The following CNTN4 variants were observed in gnomAD, a reference collection of about 807,000 sequenced individuals.
CNTN4 encodes contactin 4.
Under a neutral mutation model 122.5 loss-of-function variants are expected in CNTN4, and 77 were observed. The observed-to-expected ratio is 0.63, with a 90% CI of 0.52 to 0.76. CNTN4 has a LOEUF of 0.76. CNTN4 is among the 30% of genes least tolerant of loss of function. The pLI is 0.00. For synonymous variants in CNTN4, 512 were observed against 447.0 expected (o/e 1.15, Z -1.83); for missense variants, 1,256 against 1,259.1 (o/e 1.00, Z 0.04).
intron 2 of CNTN4, among the ~76,000 whole-genome samples, chr3:2,207,977 C>T (rs759132729): frequency 1.3e-5 from 2 of 152,106 alleles, no homozygotes; most frequent in African/African-American, 2.4e-5. Context: ...CCACAATGCA[C>T]TTGGTCACCT....
At position 2,933,043 on chromosome 3, in the gene CNTN4, C is replaced by T. The variant is rs533895700; in HGVS notation, c.1358+7264C>T. Among the ~76,000 whole-genome samples the T allele has an allele frequency of 5.9e-5, 9 of 152,092 alleles. No homozygotes were observed. In the South Asian group the frequency reaches 6.2e-4, roughly 11 times the overall value. ...TTCACCGTGTTAGCCAGGATGGTCT[C>T]GATCTCCTGACCTCGTGATCCGCCC... On this transcript the variant is annotated intron_variant, in intron 13 of 24. Coordinates refer to ENST00000418658, the MANE Select transcript of CNTN4 (RefSeq NM_175607.3).
At chr3:2,307,655 T>C (rs2042765756) in intron 2 of CNTN4, among the ~76,000 whole-genome samples, 1 of 152,138 alleles carries the variant, frequency 6.6e-6, no homozygotes, top group Non-Finnish European at 1.5e-5. Flanking sequence ...TAAATACTTT[T>C]TATGCATGTA....
At chr3:2,745,495 T>G in intron 5 of CNTN4, 27 bp from the exon 6 acceptor site, 1 of 1,578,030 alleles carries the variant, frequency 6.3e-7, no homozygotes, top group Non-Finnish European at 8.7e-7. Context: ...TGACAAGACT[T>G]TATCTACTGG....
At chr3:2,719,337 C>G (rs1008538377) in intron 4 of CNTN4, among the ~76,000 whole-genome samples, 2 of 151,572 alleles carry the variant, frequency 1.3e-5, no homozygotes. Context: ...ACTCTGTCGC[C>G]CAGGCTGGAA....
At position 2,285,170 on chromosome 3, in the gene CNTN4, G is replaced by A. The variant is rs17011787; in HGVS notation, c.-144-54008G>A. 8.1e-3 allele frequency among the ~76,000 whole-genome samples: 1,226 copies of A among 152,108 alleles called. 17 individuals carry two copies. Among genetic ancestry groups the A allele is most frequent in the African/African-American group, 0.028 (1,161 of 41,538 alleles). On this transcript the variant is annotated intron_variant, in intron 2 of 24. Transcript: ENST00000418658. ...AACTATTGTCAAACATGTAGAGATT[G>A]GAGTTCCTAACTGTTGCAGGAAGAT... is the stretch of plus-strand genomic sequence containing the variant.
chr3:2,970,949 A>G (rs1577450799), intron 13 of CNTN4, among the ~76,000 whole-genome samples: 1 of 151,706 alleles, frequency 6.6e-6, no homozygotes, highest in South Asian at 2.1e-4. Context: ...CACCATGCCC[A>G]GTTAATTTTG....
chr3:2,391,034 A>T (rs1363875545), intron 3 of CNTN4, among the ~76,000 whole-genome samples: 3 of 152,214 alleles, frequency 2.0e-5, no homozygotes, highest in African/African-American at 7.2e-5. Flanking sequence ...TTCCTTGCAG[A>T]TTCCAAATAG....
chr3:2,368,038 T>TC (rs1219718279), intron 3 of CNTN4, among the ~76,000 whole-genome samples: 1 of 147,444 alleles, frequency 6.8e-6, no homozygotes, highest in East Asian at 2.0e-4. Flanking sequence ...TCTTTTTTTT[T>TC]TTTTTTTTTT....
chr3:3,030,362 C>G (rs1699061217), intron 15 of CNTN4, among the ~76,000 whole-genome samples: 2 of 152,170 alleles, frequency 1.3e-5, no homozygotes, highest in African/African-American at 2.4e-5. Flanking sequence ...TCTGGTCTTC[C>G]TAATCCTTTC....
At chr3:2,102,611 C>A (rs1574824878) in intron 2 of CNTN4, among the ~76,000 whole-genome samples, 1 of 152,282 alleles carries the variant, frequency 6.6e-6, no homozygotes, top group East Asian at 1.9e-4. Context: ...TGTGCCCTTG[C>A]CGTCTTCAGC....
chr3:2,470,625 CACTT>C (rs1420443530), intron 3 of CNTN4, among the ~76,000 whole-genome samples: 7 of 152,280 alleles, frequency 4.6e-5, no homozygotes, highest in African/African-American at 1.4e-4. Flanking sequence ...GGCCAACAGA[CACTT>C]ACACCCCCAC....
intron 4 of CNTN4, among the ~76,000 whole-genome samples, chr3:2,669,031 G>A (rs1322224181): frequency 6.6e-6 from 1 of 152,142 alleles, no homozygotes; most frequent in African/African-American, 2.4e-5. Context: ...ATGTTCATCA[G>A]GTATATTGGT....
At chr3:2,452,236 C>G (rs1405987444) in intron 3 of CNTN4, among the ~76,000 whole-genome samples, 1 of 152,140 alleles carries the variant, frequency 6.6e-6, no homozygotes, top group African/African-American at 2.4e-5. Flanking sequence ...CCTGAGTTTT[C>G]TTCTCTGCAA....
chr3:2,983,201 G>C (rs1417481317), intron 13 of CNTN4, among the ~76,000 whole-genome samples: 3 of 100,132 alleles, frequency 3.0e-5, no homozygotes, highest in Admixed American at 1.5e-4. Flanking sequence ...GTGACAGAGC[G>C]AGACTCCATC....
At chr3:2,318,740 A>T (rs537026386) in intron 2 of CNTN4, among the ~76,000 whole-genome samples, 20 of 152,286 alleles carry the variant, frequency 1.3e-4, no homozygotes, top group South Asian at 6.2e-4. Context: ...CCTGGGCTCA[A>T]GGGATCCTCC....
intron 7 of CNTN4, among the ~76,000 whole-genome samples, chr3:2,840,507 T>C (rs4685570): frequency 0.1 from 13,415 of 128,306 alleles, 1,613 homozygotes; most frequent in East Asian, 0.61. Flanking sequence ...GAGACCATCC[T>C]GGCTAACACG....
chr3:2,776,052 G>A lies in CNTN4; in HGVS notation c.358+30355G>A, dbSNP rs149487793. Among the ~76,000 whole-genome samples, 140 of 152,120 alleles carry A rather than the reference G, an allele frequency of 9.2e-4. 1 individual carries two copies. Among genetic ancestry groups the A allele is most frequent in the South Asian group, 5.6e-3 (27 of 4,820 alleles). Reference sequence around the variant, plus strand: ...ATTGCATGTGTCAACCTTAATAACCGGATTCAAGTGAAATGATTATTGAAC... The same window carrying A: ...ATTGCATGTGTCAACCTTAATAACCAGATTCAAGTGAAATGATTATTGAAC... On this transcript the variant is annotated intron_variant, in intron 6 of 24. Coordinates refer to ENST00000418658, the MANE Select transcript of CNTN4 (RefSeq NM_175607.3).
At chr3:2,692,764 G>A (rs1330583622) in intron 4 of CNTN4, among the ~76,000 whole-genome samples, 1 of 152,078 alleles carries the variant, frequency 6.6e-6, no homozygotes, top group Non-Finnish European at 1.5e-5. Context: ...TAAGATCTCT[G>A]TGTTTCATTG....
chr3:2,534,659 G>T (rs1182127138), intron 3 of CNTN4, among the ~76,000 whole-genome samples: 1 of 151,826 alleles, frequency 6.6e-6, no homozygotes, highest in East Asian at 1.9e-4. Flanking sequence ...TGTGACTTCA[G>T]AGCCTTGGCC....
Sources: allele counts gnomAD v4.1 joint callset (sites outside exome capture counted in the v4.1 genomes callset), GRCh38; gene constraint gnomAD v4.1.1; transcripts MANE v1.5; gene names NCBI Gene and HGNC (gene_info 2026-07-23, HGNC 2026-07-21).